Variants in SEMA3D observed in about 807,000 individuals in gnomAD.
The protein encoded by SEMA3D is semaphorin 3D, also known as semaphorin-3D.
SEMA3D carries 84 observed loss-of-function variants against 100.1 expected under a neutral mutation model. The ratio of observed to expected loss-of-function variants is 0.84; its 90% CI spans 0.70 to 1.01. SEMA3D has a LOEUF of 1.01. Ranked by LOEUF, SEMA3D falls within the 50% of genes least tolerant of loss-of-function variation. The pLI is 0.00. For missense variants in SEMA3D, 875 were observed against 934.1 expected (o/e 0.94, Z 0.82); for synonymous variants, 312 against 320.7 (o/e 0.97, Z 0.29).
At chr7:85,147,081 C>CTTTTCTTTTTTTTT (rs1790229586) in intron 2 of SEMA3D, among the ~76,000 whole-genome samples, 1 of 67,548 alleles carries the variant, frequency 1.5e-5, no homozygotes, top group Non-Finnish European at 3.2e-5. Context: ...TCTTTCTTTT[C>CTTTTCTTTTTTTTT]TTTTTCTTTT....
intron 9 of SEMA3D, among the ~76,000 whole-genome samples, chr7:85,050,124 GAC>G (rs1791124010): frequency 6.8e-6 from 1 of 146,614 alleles, no homozygotes; most frequent in African/African-American, 2.6e-5. Flanking sequence ...CACACACAGA[GAC>G]AGAGTAATAA....
upstream of SEMA3D, among the ~76,000 whole-genome samples, chr7:85,191,749 G>A (rs185002235): frequency 3.8e-3 from 578 of 152,248 alleles, no homozygotes; most frequent in Middle Eastern, 0.014. Flanking sequence ...CTTTGTTCAA[G>A]GTCATAAGCA....
intron 17 of SEMA3D, among the ~76,000 whole-genome samples, chr7:85,010,815 T>C (rs956806692): frequency 1.3e-5 from 2 of 151,674 alleles, no homozygotes; most frequent in East Asian, 2.0e-4. Flanking sequence ...GAGTTCAGAA[T>C]TGGACTATGA....
chr7:85,239,864 T>C, the SEMA3D span, among the ~76,000 whole-genome samples: 1 of 152,238 alleles, frequency 6.6e-6, no homozygotes, highest in Non-Finnish European at 1.5e-5. Flanking sequence ...CTTTTGTATA[T>C]TAACTTCGTA....
the SEMA3D span, among the ~76,000 whole-genome samples, chr7:85,236,285 A>T: frequency 1.1e-4 from 12 of 113,104 alleles, no homozygotes; most frequent in Admixed American, 2.5e-4. Context: ...ATTTTATTTT[A>T]TTTATTTATT....
At chr7:85,240,246 T>G in the SEMA3D span, among the ~76,000 whole-genome samples, 2 of 152,146 alleles carry the variant, frequency 1.3e-5, no homozygotes, top group African/African-American at 4.8e-5. Flanking sequence ...CTGCATTGAT[T>G]GATATGATCA....
chr7:85,242,636 T>C, the SEMA3D span, among the ~76,000 whole-genome samples: 1 of 152,280 alleles, frequency 6.6e-6, no homozygotes, highest in South Asian at 2.1e-4. Flanking sequence ...AGGGGTGTCA[T>C]TGTCTCCAAC....
chr7:85,247,491 T>C, the SEMA3D span, among the ~76,000 whole-genome samples: 2 of 152,098 alleles, frequency 1.3e-5, no homozygotes, highest in Middle Eastern at 3.2e-3. Context: ...GTTAAGTATA[T>C]ATGCATCTCA....
intron 2 of SEMA3D, among the ~76,000 whole-genome samples, chr7:85,122,441 T>C (rs1036566035): frequency 2.0e-5 from 3 of 152,208 alleles, no homozygotes; most frequent in African/African-American, 7.2e-5. Flanking sequence ...TAAACTATTT[T>C]GTTATTTAAC....
chr7:85,081,690 G>T, intron 4 of SEMA3D, 111 bp from the exon 5 acceptor site: 1 of 694,572 alleles, frequency 1.4e-6, no homozygotes. Flanking sequence ...TATTAAGCAT[G>T]TTGTTAGAGT....
chr7:85,105,729 A>T (rs968843789), intron 3 of SEMA3D, among the ~76,000 whole-genome samples: 2 of 152,086 alleles, frequency 1.3e-5, no homozygotes, highest in Admixed American at 1.3e-4. Context: ...CTTTTCTGTG[A>T]TGGAATGTTA....
At chr7:85,060,540 T>C (rs1380989058) in intron 8 of SEMA3D, among the ~76,000 whole-genome samples, 2 of 152,146 alleles carry the variant, frequency 1.3e-5, no homozygotes, top group African/African-American at 2.4e-5. Context: ...CTTGAGTACA[T>C]GCCCCAGTAG....
chr7:85,214,514 G>T, the SEMA3D span, among the ~76,000 whole-genome samples: 16 of 152,018 alleles, frequency 1.1e-4, no homozygotes, highest in Admixed American at 3.3e-4. Flanking sequence ...TAATTTTTTT[G>T]AGACAGAGTT....
intron 18 of SEMA3D, among the ~76,000 whole-genome samples, chr7:85,005,827 C>T (rs1789781264): frequency 6.6e-6 from 1 of 151,974 alleles, no homozygotes; most frequent in Non-Finnish European, 1.5e-5. Flanking sequence ...CCAATATTGG[C>T]ACTCTGGAAA....
At chr7:85,093,431 A>G (rs759563200) in intron 4 of SEMA3D, among the ~76,000 whole-genome samples, 2 of 151,982 alleles carry the variant, frequency 1.3e-5, no homozygotes, top group Non-Finnish European at 2.9e-5. Flanking sequence ...ACCCATGAAG[A>G]CTGTGGCAGC....
chr7:85,175,607 G>A (rs925153350), intron 1 of SEMA3D, among the ~76,000 whole-genome samples: 9 of 152,138 alleles, frequency 5.9e-5, no homozygotes, highest in Non-Finnish European at 1.0e-4. Flanking sequence ...CTTTACAGGT[G>A]ATAGAAGTCA....
chr7:85,054,372 G>A (rs973460330), intron 9 of SEMA3D, among the ~76,000 whole-genome samples: 1 of 151,988 alleles, frequency 6.6e-6, no homozygotes, highest in Admixed American at 6.6e-5. Context: ...TCAGGATACT[G>A]TTGCTATAAG....
intron 2 of SEMA3D, among the ~76,000 whole-genome samples, chr7:85,152,665 A>T (rs1267034226): frequency 2.0e-5 from 3 of 152,190 alleles, no homozygotes; most frequent in African/African-American, 7.2e-5. Flanking sequence ...GTGTCTTCAA[A>T]CATAGATGAA....
At chr7:85,019,718 A>C (rs1466317670) in intron 14 of SEMA3D, among the ~76,000 whole-genome samples, 4 of 151,718 alleles carry the variant, frequency 2.6e-5, no homozygotes, top group Non-Finnish European at 4.4e-5. Flanking sequence ...CATTCTCCAA[A>C]TCTGGAGAAC....
Sources: gnomAD v4.1 joint callset for allele counts (sites outside exome capture counted in the v4.1 genomes callset) on GRCh38, gnomAD v4.1.1 for gene constraint, MANE v1.5 for transcripts, NCBI Gene and HGNC (gene_info 2026-07-23, HGNC 2026-07-21) for gene names.